The following NAALADL1 variants were observed in gnomAD, a reference collection of about 807,000 sequenced individuals.
NAALADL1 encodes the protein N-acetylated alpha-linked acidic dipeptidase like 1.
In NAALADL1, 77 loss-of-function variants were observed where a neutral mutation model predicts 82.8. The observed-to-expected ratio is 0.93, with a 90% CI of 0.77 to 1.12. The LOEUF (loss-of-function observed/expected upper bound fraction) is 1.12. Ranked by LOEUF, NAALADL1 falls within the 50% of genes most tolerant of loss-of-function variation. NAALADL1 has a pLI of 0.00. For missense variants in NAALADL1, 956 were observed against 964.0 expected (o/e 0.99, Z 0.11); for synonymous variants, 358 against 399.2 (o/e 0.90, Z 1.23).
intron 13 of NAALADL1, 103 bp from the exon 14 acceptor site, chr11:65,046,629 G>T: frequency 1.7e-6 from 2 of 1,171,182 alleles, no homozygotes; most frequent in Non-Finnish European, 1.3e-6. Context: ...ACTGAATCTT[G>T]GCCATGTCTG....
intron 8 of NAALADL1, among the ~76,000 whole-genome samples, chr11:65,050,391 T>C (rs1244646785): frequency 1.3e-5 from 2 of 150,748 alleles, no homozygotes; most frequent in African/African-American, 2.4e-5. Context: ...GGCAGAAGAA[T>C]GGTGCAGACC....
chr11:65,053,165 A>T lies in NAALADL1; in HGVS notation c.1198+53T>A. The T allele has an allele frequency of 1.3e-6, 2 of 1,489,690 alleles. No individual in the cohort carries two copies. The highest frequency in any genetic ancestry group is 2.7e-5 in the South Asian group (2 of 74,922). 92.3% of individuals were successfully genotyped at this position (1,489,690 alleles called of 1,614,324 possible). ...TGTGAGGGAGAGGAGGTGGAACAGG[A>T]AGGGGACCTCCGGGGGCGAAGGTCC... On this transcript the variant is annotated intron_variant, in intron 8 of 17. Transcript: ENST00000358658. The surrounding 1 kb of genome is among the most constrained non-coding windows in gnomAD (Gnocchi z 4.3).
rs1946967077 is a variant in NAALADL1 at position 65,054,119 on chromosome 11, GTC to G, written c.992+129_992+130del. ...AGACATATTTTGGGGTCAGGAGAGG[GTC>G]TGGGAGAGAGAGGAAAGGGAAAAAG... On this transcript the variant is annotated intron_variant, in intron 6 of 17. Transcript: ENST00000358658. The surrounding 1 kb of genome is among the most constrained non-coding windows in gnomAD (Gnocchi z 4.3). 1 of 792,828 alleles carries G rather than the reference GTC, an allele frequency of 1.3e-6. No individual in the cohort carries two copies. The highest frequency in any genetic ancestry group is 1.7e-5 in the African/African-American group (1 of 57,686). 49.1% of individuals were successfully genotyped at this position (792,828 alleles called of 1,614,324 possible). A position where few individuals can be genotyped will look rare whatever the true frequency, so the allele number is the denominator to read the frequency against.
At position 65,053,931 on chromosome 11, in the gene NAALADL1, GAGGTTGGTGC is replaced by G. The variant is rs774941471; in HGVS notation, c.992+309_992+318del. Among the ~76,000 whole-genome samples the G allele has an allele frequency of 3.9e-5, 6 of 152,102 alleles. No individual in the cohort carries two copies. The highest frequency in any genetic ancestry group is 9.7e-5 in the African/African-American group (4 of 41,414). The stretch of plus-strand genomic sequence containing the variant: ...GAGGCCAGTGGGTGCTGTAGGGAGG[GAGGTTGGTGC>G]AGGTTGGGAGTGGCAGGGGCCCTGA... On this transcript the variant is annotated intron_variant, in intron 6 of 17. Coordinates refer to ENST00000358658, the MANE Select transcript of NAALADL1 (RefSeq NM_005468.3). This position sits in a 1 kb window ranked among gnomAD's most constrained non-coding sequence, Gnocchi z 4.3.
At position 65,048,307 on chromosome 11, in the gene NAALADL1, A is replaced by T; in HGVS notation, c.1277T>A (p.Phe426Tyr). The change falls in exon 9 of 18, where the codon TTC becomes TAC. Residue 426 changes from phenylalanine to tyrosine, a missense_variant. Phe to Tyr is a conservative substitution (Grantham distance 22, BLOSUM62 3). Coordinates refer to ENST00000358658, the MANE Select transcript of NAALADL1 (RefSeq NM_005468.3). The part of the protein sequence containing the change: ...EEFGLIGSTE[F>Y]TEEFFNKLQE... ...CCCTGTAGGGCCACTCACTTCTGTG[A>T]ATTCCGTGGAGCCAATGAGCCCAAA... is the stretch of plus-strand genomic sequence containing the variant. The T allele has an allele frequency of 6.2e-7, 1 of 1,614,156 alleles. No homozygotes were observed. The highest frequency in any genetic ancestry group is 8.5e-7 in the Non-Finnish European group (1 of 1,180,020).
chr11:65,048,849 G>A lies in NAALADL1; in HGVS notation c.1199-464C>T, dbSNP rs1444445178. ...AGAGAAGCTAAATGACTTTCCCAGG[G>A]TCACACGGCTGGTAGGCAGCAGAGC... On this transcript the variant is annotated intron_variant, in intron 8 of 17. Transcript: ENST00000358658. Among the ~76,000 whole-genome samples the A allele has an allele frequency of 2.0e-5, 3 of 152,292 alleles. 1 individual carries two copies. Among genetic ancestry groups the A allele is most frequent in the African/African-American group, 7.2e-5 (3 of 41,564 alleles).
Position 65,053,543 on chromosome 11 carries a change from C to T in NAALADL1, c.1026G>A (p.Glu342=), listed in dbSNP as rs201113838. 2.2e-5 allele frequency: 35 copies of T among 1,611,596 alleles called. No individual in the cohort carries two copies. In the East Asian group the frequency reaches 7.1e-4, roughly 33 times the overall value. Reference sequence around the variant, plus strand: ...CCAGGACGTTGGAAGAGTTCCTCAGCTCCAGGCGGTTGTAGACGCTCACAT... The same window carrying T: ...CCAGGACGTTGGAAGAGTTCCTCAGTTCCAGGCGGTTGTAGACGCTCACAT... ...QVNVSVYNRL[E]LRNSSNVLGI... The change falls in exon 7 of 18, where the codon GAG becomes GAA. Residue 342 remains glutamate, a synonymous_variant. Coordinates refer to ENST00000358658, the MANE Select transcript of NAALADL1 (RefSeq NM_005468.3). The surrounding 1 kb of genome is among the most constrained non-coding windows in gnomAD (Gnocchi z 4.3).
rs1398419730 is a variant in NAALADL1, at chr11:65,053,144, A to T, written c.1198+74T>A. The T allele has an allele frequency of 2.9e-5, 43 of 1,468,536 alleles. No homozygotes were observed. The highest frequency in any genetic ancestry group is 3.9e-5 in the Non-Finnish European group (43 of 1,104,276). 91.0% of individuals were successfully genotyped at this position (1,468,536 alleles called of 1,614,324 possible). A position where few individuals can be genotyped will look rare whatever the true frequency, so the allele number is the denominator to read the frequency against. On this transcript the variant is annotated intron_variant, in intron 8 of 17. Transcript: ENST00000358658. The surrounding 1 kb of genome is among the most constrained non-coding windows in gnomAD (Gnocchi z 4.3). ...ATGGCACAAGGAGCACTGCAGTGTG[A>T]GGGAGAGGAGGTGGAACAGGAAGGG...
intron 8 of NAALADL1, among the ~76,000 whole-genome samples, chr11:65,049,443 A>C (rs990773695): frequency 7.9e-5 from 12 of 152,240 alleles, no homozygotes; most frequent in African/African-American, 2.4e-4. Context: ...GTTATTTGAC[A>C]AAATAATAGG....
chr11:65,047,763 C>T (rs1946772871), intron 11 of NAALADL1, 25 bp from the exon 12 acceptor site: 1 of 1,572,188 alleles, frequency 6.4e-7, no homozygotes, highest in African/African-American at 1.3e-5. Context: ...AATTTAGTCT[C>T]GGTGCGCGGC....
intron 8 of NAALADL1, among the ~76,000 whole-genome samples, chr11:65,051,274 C>A (rs1295575242): frequency 6.7e-6 from 1 of 148,870 alleles, no homozygotes; most frequent in Non-Finnish European, 1.5e-5. Context: ...GCTACCAACT[C>A]CCCAAGTCAT....
chr11:65,045,790 A>C, intron 17 of NAALADL1, 32 bp downstream of exon 17: 1 of 1,599,792 alleles, frequency 6.3e-7, no homozygotes, highest in Non-Finnish European at 8.6e-7. Context: ...CCCCACCTGG[A>C]GGCACCTCCC....
intron 11 of NAALADL1, 32 bp downstream of exon 11, chr11:65,047,949 A>C: frequency 6.7e-7 from 1 of 1,499,482 alleles, no homozygotes; most frequent in African/African-American, 1.5e-5. Flanking sequence ...CGCCCCAGCT[A>C]GTTCAGCCCC....
At position 65,045,369 on chromosome 11, in the gene NAALADL1, C is replaced by G. The variant is rs953709887; in HGVS notation, c.2125G>C (p.Gly709Arg). 5.6e-6 allele frequency: 9 copies of G among 1,611,986 alleles called. No individual in the cohort carries two copies. Among genetic ancestry groups the G allele is most frequent in the Admixed American group, 5.0e-5 (3 of 59,652 alleles). ...TGGACCTCAGCCCAAGCTTCAGATC[C>G]AGAAGCTGTGTCCCTGGCCCTGGAG... ...ACSRARDTASGSEAWAEVQRQ... is the reference protein window; with the variant it reads ...ACSRARDTASRSEAWAEVQRQ... The change falls in exon 18 of 18, where the codon GGA (glycine) becomes CGA (arginine). Residue 709 changes from glycine to arginine, a missense_variant. Physicochemically the swap from Gly to Arg is moderately radical, Grantham distance 125 (BLOSUM62 -2). Coordinates refer to ENST00000358658, the MANE Select transcript of NAALADL1 (RefSeq NM_005468.3).
chr11:65,055,276 A>G (rs1947007666), intron 4 of NAALADL1, among the ~76,000 whole-genome samples: 1 of 152,144 alleles, frequency 6.6e-6, no homozygotes, highest in Non-Finnish European at 1.5e-5. Context: ...GTCTCTACTA[A>G]AAATACAGAA....
At position 65,053,784 on chromosome 11, in the gene NAALADL1, T is replaced by C. The variant is rs1946958845; in HGVS notation, c.993-208A>G. 6.6e-6 allele frequency among the ~76,000 whole-genome samples: 1 copy of C among 152,066 alleles called. No individual in the cohort carries two copies. Among genetic ancestry groups the C allele is most frequent in the South Asian group, 2.1e-4 (1 of 4,812 alleles). On this transcript the variant is annotated intron_variant, in intron 6 of 17. Transcript: ENST00000358658. The surrounding 1 kb of genome is among the most constrained non-coding windows in gnomAD (Gnocchi z 4.3). ...TATTGGGTACTTAGTCCCTGACTAG[T>C]CTCTGGGCAATGACGGTGACAGATG...
At position 65,054,940 on chromosome 11, in the gene NAALADL1, G is replaced by C. The variant is rs1331133419; in HGVS notation, c.604-202C>G. On this transcript the variant is annotated intron_variant, in intron 4 of 17. Coordinates refer to ENST00000358658, the MANE Select transcript of NAALADL1 (RefSeq NM_005468.3). The surrounding 1 kb of genome is among the most constrained non-coding windows in gnomAD (Gnocchi z 4.3). Reference sequence around the variant, plus strand: ...ACAGCCAAGCCCGTGCCTATCAGTGGAGTCTGGTTGAATAACAGGGACATC... The same window carrying C: ...ACAGCCAAGCCCGTGCCTATCAGTGCAGTCTGGTTGAATAACAGGGACATC... Among the ~76,000 whole-genome samples the C allele has an allele frequency of 1.3e-5, 2 of 152,216 alleles. No individual in the cohort carries two copies. The highest frequency in any genetic ancestry group is 4.8e-5 in the African/African-American group (2 of 41,466).
rs1947091966 is a variant in NAALADL1 at position 65,057,988 on chromosome 11, TG to T, written c.366del (p.Thr123LeufsTer15). 6.2e-7 allele frequency: 1 copy of T among 1,613,890 alleles called. No individual in the cohort carries two copies. The highest frequency in any genetic ancestry group is 1.1e-5 in the South Asian group (1 of 91,076). On this transcript the variant is annotated frameshift_variant, in exon 3 of 18. Transcript: ENST00000358658. LOFTEE classifies it high-confidence loss of function. The part of the protein sequence containing the change: ...EQPNVVDIVG[P>X]TGGIIHSCHR... ...TGGCAGGAGTGGATGATGCCCCCAG[TG>T]GGGCCCACTGTTGGAGGGGTGGCAG... is the stretch of plus-strand genomic sequence containing the variant.
At position 65,046,151 on chromosome 11, in the gene NAALADL1, C is replaced by A. The variant is rs374866665; in HGVS notation, c.1856-37G>T. 3.1e-6 allele frequency: 5 copies of A among 1,613,936 alleles called. No homozygotes were observed. In the African/African-American group the frequency reaches 6.7e-5, roughly 22 times the overall value. On this transcript the variant is annotated intron_variant, in intron 15 of 17. Transcript: ENST00000358658. ...AAGCAGTGGCTCAGTCATGGGGGTG[C>A]AGGGCTCCCCATACCTCAGGGTCAG...
Sources: gnomAD v4.1 joint callset for allele counts (sites outside exome capture counted in the v4.1 genomes callset) on GRCh38, gnomAD v4.1.1 for gene constraint, Gnocchi (gnomAD v3.1) non-coding constraint, MANE v1.5 for transcripts, NCBI Gene and HGNC (gene_info 2026-07-23, HGNC 2026-07-21) for gene names.